Variants in GABRG3 observed in about 807,000 individuals in gnomAD.
GABRG3 encodes the protein gamma-aminobutyric acid receptor subunit gamma-3.
In GABRG3, 25 loss-of-function variants were observed where a neutral mutation model predicts 48.8. That is an observed-to-expected ratio of 0.51 (90% confidence interval 0.37 to 0.72). The LOEUF (loss-of-function observed/expected upper bound fraction) is 0.72, where lower values mean the gene tolerates loss of function less well. Among genes scored for constraint, GABRG3 ranks in the 30% least tolerant of loss-of-function variants. The pLI is 0.00. For synonymous variants in GABRG3, 227 were observed against 217.6 expected, an observed-to-expected ratio of 1.04 and a Z score of -0.38; for missense variants, 394 against 577.9, an observed-to-expected ratio of 0.68 and a Z score of 3.26.
intron 3 of GABRG3, among the ~76,000 whole-genome samples, chr15:27,077,777 G>C (rs924385426): frequency 7.9e-5 from 12 of 152,314 alleles, no homozygotes; most frequent in Admixed American, 7.2e-4. Context: ...ATGAAAGGAA[G>C]GACTTTTTTT....
Position 27,446,593 on chromosome 15 carries a change from TTTAC to T in GABRG3, c.575-34053_575-34050del, listed in dbSNP as rs138700712. 1.3e-4 allele frequency among the ~76,000 whole-genome samples: 20 copies of T among 152,350 alleles called. No individual in the cohort carries two copies. In the East Asian group the frequency reaches 3.1e-3, roughly 23 times the overall value. On this transcript the variant is annotated intron_variant, in intron 5 of 9. Coordinates refer to ENST00000615808, the MANE Select transcript of GABRG3 (RefSeq NM_033223.5). ...TTTGTAGTTTTCAGAGTATAAAATT[TTTAC>T]TTATTTTGTTTAATTAATCTTATGT...
intron 3 of GABRG3, among the ~76,000 whole-genome samples, chr15:27,307,754 AAC>A (rs1892690188): frequency 8.2e-6 from 1 of 122,438 alleles, no homozygotes; most frequent in African/African-American, 3.5e-5. Flanking sequence ...TTTATATATA[AAC>A]ATATAAAATA....
At chr15:27,038,357 C>A (rs1291982107) in intron 3 of GABRG3, among the ~76,000 whole-genome samples, 4 of 152,242 alleles carry the variant, frequency 2.6e-5, no homozygotes, top group African/African-American at 9.6e-5. Flanking sequence ...TCTGCATGGT[C>A]TCTCAGTCAT....
In GABRG3 at chr15:27,020,512, C is replaced by T. The variant is rs186839376; in HGVS notation, c.203-6242C>T. Among the ~76,000 whole-genome samples, 447 of 151,254 alleles carry T rather than the reference C, an allele frequency of 3.0e-3. 5 individuals carry two copies. The highest frequency in any genetic ancestry group is 9.7e-3 in the Admixed American group (147 of 15,110). On this transcript the variant is annotated intron_variant, in intron 2 of 9. Transcript: ENST00000615808. ...CTGCAAGCTCCGCCTCCTGGGTTCACGCCATTCTCCTGCCTCAGCCTCCTG... is the reference window on the plus strand; with the variant it reads ...CTGCAAGCTCCGCCTCCTGGGTTCATGCCATTCTCCTGCCTCAGCCTCCTG...
chr15:27,253,753 G>A (rs1890531382), intron 3 of GABRG3, among the ~76,000 whole-genome samples: 1 of 152,350 alleles, frequency 6.6e-6, no homozygotes, highest in South Asian at 2.1e-4. Context: ...GGGGGCTCAG[G>A]CCTTCATCTG....
intron 3 of GABRG3, among the ~76,000 whole-genome samples, chr15:27,164,045 A>G (rs1887293692): frequency 6.6e-6 from 1 of 152,230 alleles, no homozygotes; most frequent in Non-Finnish European, 1.5e-5. Context: ...TTGTAATTAC[A>G]CATAGAATAA....
chr15:27,519,855 T>C, intron 6 of GABRG3, 117 bp from the exon 7 acceptor site: 2 of 718,380 alleles, frequency 2.8e-6, no homozygotes, highest in Non-Finnish European at 4.5e-6. Flanking sequence ...TTTGATATTG[T>C]TGTAGTTGTG....
At chr15:27,433,397 C>G (rs954539434) in intron 5 of GABRG3, among the ~76,000 whole-genome samples, 1 of 152,182 alleles carries the variant, frequency 6.6e-6, no homozygotes, top group African/African-American at 2.4e-5. Context: ...CTAGGAGATG[C>G]CTTTCCTTGC....
chr15:27,513,459 GA>G (rs147935443), intron 6 of GABRG3, among the ~76,000 whole-genome samples: 14 of 139,362 alleles, frequency 1.0e-4, no homozygotes, highest in East Asian at 6.2e-4. Flanking sequence ...CAAAAAAAAA[GA>G]AAAAAAAAAT....
At chr15:27,141,931 T>C (rs1373015831) in intron 3 of GABRG3, among the ~76,000 whole-genome samples, 1 of 152,234 alleles carries the variant, frequency 6.6e-6, no homozygotes, top group East Asian at 1.9e-4. Context: ...TCTGTCTTCA[T>C]GTATTTTAAT....
At chr15:27,518,515 A>G (rs1268651909) in intron 6 of GABRG3, among the ~76,000 whole-genome samples, 1 of 152,244 alleles carries the variant, frequency 6.6e-6, no homozygotes, top group African/African-American at 2.4e-5. Context: ...ATATTGTACC[A>G]GTAATTATAG....
chr15:27,306,324 A>G (rs1028813345), intron 3 of GABRG3, among the ~76,000 whole-genome samples: 1 of 128,544 alleles, frequency 7.8e-6, no homozygotes, highest in African/African-American at 3.3e-5. Flanking sequence ...AAACATGTCT[A>G]TATATAAACA....
At chr15:27,256,161 G>A (rs1226883908) in intron 3 of GABRG3, among the ~76,000 whole-genome samples, 1 of 152,114 alleles carries the variant, frequency 6.6e-6, no homozygotes, top group Non-Finnish European at 1.5e-5. Flanking sequence ...AGGACAGAGG[G>A]GCCGGGTGTG....
chr15:27,220,404 G>A (rs1040633434), intron 3 of GABRG3, among the ~76,000 whole-genome samples: 4 of 152,144 alleles, frequency 2.6e-5, no homozygotes, highest in Non-Finnish European at 5.9e-5. Context: ...GTCATGTGGT[G>A]TTATACCAGA....
At chr15:26,972,964 G>A (rs1894873937) in intron 1 of GABRG3, among the ~76,000 whole-genome samples, 1 of 152,196 alleles carries the variant, frequency 6.6e-6, no homozygotes, top group African/African-American at 2.4e-5. Flanking sequence ...GCTGGTGCAA[G>A]CAATGGAAAC....
chr15:27,000,920 G>T (rs776573771), intron 2 of GABRG3, among the ~76,000 whole-genome samples: 1 of 152,168 alleles, frequency 6.6e-6, no homozygotes. Flanking sequence ...CACTCTAGCT[G>T]TTGGGAACAG....
chr15:27,065,077 G>C (rs907265154), intron 3 of GABRG3, among the ~76,000 whole-genome samples: 3 of 152,232 alleles, frequency 2.0e-5, no homozygotes, highest in Non-Finnish European at 4.4e-5. Flanking sequence ...TCTCTTTGAG[G>C]CACCCCATTG....
At chr15:27,191,874 T>G (rs1199128166) in intron 3 of GABRG3, among the ~76,000 whole-genome samples, 1 of 152,206 alleles carries the variant, frequency 6.6e-6, no homozygotes, top group Non-Finnish European at 1.5e-5. Flanking sequence ...CGGTTTTTCC[T>G]TTCTATGTTT....
chr15:27,480,158 G>A (rs1453582440), intron 5 of GABRG3, among the ~76,000 whole-genome samples: 1 of 152,236 alleles, frequency 6.6e-6, no homozygotes, highest in Non-Finnish European at 1.5e-5. Context: ...TATCAAAGCT[G>A]AAGACTGATA....
Sources: allele counts gnomAD v4.1 joint callset (sites outside exome capture counted in the v4.1 genomes callset), GRCh38; gene constraint gnomAD v4.1.1; transcripts MANE v1.5; gene names NCBI Gene and HGNC (gene_info 2026-07-23, HGNC 2026-07-21).